Variants in PREX2 observed in about 807,000 individuals in gnomAD.
The protein encoded by PREX2 is phosphatidylinositol-3,4,5-trisphosphate dependent Rac exchange factor 2.
A neutral mutation model predicts 203.2 loss-of-function variants in PREX2; 107 were observed. That is an observed-to-expected ratio of 0.53 (90% CI 0.45 to 0.62). PREX2 has a LOEUF of 0.62. Ranked by LOEUF, PREX2 falls within the 20% of genes least tolerant of loss-of-function variation. The pLI is 0.00. For synonymous variants in PREX2, 672 were observed against 663.6 expected (o/e 1.01, Z -0.19); for missense variants, 1,777 against 1,955.9 (o/e 0.91, Z 1.72).
At chr8:68,087,910 A>G (rs1224759349) in intron 19 of PREX2, 101 bp downstream of exon 19, 7 of 812,668 alleles carry the variant, frequency 8.6e-6, no homozygotes. Flanking sequence ...TGCTGTGATG[A>G]TTCTCAATTA....
In PREX2 at chr8:68,060,780, G is replaced by C; in HGVS notation, c.1339+1G>C. 6.3e-7 allele frequency: 1 copy of C among 1,575,494 alleles called. No homozygotes were observed. The highest frequency in any genetic ancestry group is 8.7e-7 in the Non-Finnish European group (1 of 1,149,616). On this transcript the variant is annotated splice_donor_variant, in intron 11 of 39. Coordinates refer to ENST00000288368, the MANE Select transcript of PREX2 (RefSeq NM_024870.4). LOFTEE classifies it high-confidence loss of function. ...TTAGAAAATGGAATCATTCACCATG[G>C]TAATTACTTTATTATTAATTACTTA...
At chr8:68,107,353 G>A (rs1287007848) in intron 23 of PREX2, among the ~76,000 whole-genome samples, 1 of 152,130 alleles carries the variant, frequency 6.6e-6, no homozygotes, top group Admixed American at 6.5e-5. Flanking sequence ...GCTTGAGATA[G>A]AGAAGTTAGG....
At chr8:68,212,391 G>A (rs899340779) in intron 37 of PREX2, among the ~76,000 whole-genome samples, 1 of 152,086 alleles carries the variant, frequency 6.6e-6, no homozygotes, top group African/African-American at 2.4e-5. Context: ...AAAAGAGATG[G>A]GACTTGGCTT....
At chr8:68,013,471 C>T (rs1807324014) in intron 1 of PREX2, among the ~76,000 whole-genome samples, 1 of 152,164 alleles carries the variant, frequency 6.6e-6, no homozygotes, top group South Asian at 2.1e-4. Flanking sequence ...AGAACAAACT[C>T]TGATTCTCCC....
At chr8:68,006,643 T>A (rs1229574302) in intron 1 of PREX2, among the ~76,000 whole-genome samples, 2 of 152,170 alleles carry the variant, frequency 1.3e-5, no homozygotes, top group African/African-American at 4.8e-5. Flanking sequence ...TAGTTCAGAT[T>A]TCAATTTACC....
chr8:68,173,628 A>G (rs1811922516), intron 35 of PREX2, among the ~76,000 whole-genome samples: 1 of 152,162 alleles, frequency 6.6e-6, no homozygotes, highest in Non-Finnish European at 1.5e-5. Context: ...TTTTAATGCA[A>G]TTTTTAGGTA....
chr8:67,959,637 T>C (rs561394231), intron 1 of PREX2, among the ~76,000 whole-genome samples: 71 of 152,328 alleles, frequency 4.7e-4, no homozygotes, highest in African/African-American at 1.6e-3. Flanking sequence ...TGAGCCATCT[T>C]GCTGTGTAAC....
At chr8:68,027,953 G>A (rs1339654312) in intron 5 of PREX2, among the ~76,000 whole-genome samples, 1 of 152,020 alleles carries the variant, frequency 6.6e-6, no homozygotes, top group East Asian at 1.9e-4. Context: ...TGCCCTTACT[G>A]CAAGGGACCT....
chr8:68,009,603 G>A (rs1478538148), intron 1 of PREX2, among the ~76,000 whole-genome samples: 1 of 152,128 alleles, frequency 6.6e-6, no homozygotes, highest in Non-Finnish European at 1.5e-5. Context: ...CTGACACCAT[G>A]AAACATACTT....
At chr8:68,195,808 C>G (rs115058595) in intron 37 of PREX2, among the ~76,000 whole-genome samples, 185 of 152,266 alleles carry the variant, frequency 1.2e-3, no homozygotes, top group African/African-American at 4.3e-3. Flanking sequence ...TAGTCAATTT[C>G]CTGCCTTTTC....
chr8:68,126,897 T>C (rs1487073296), intron 30 of PREX2, among the ~76,000 whole-genome samples: 1 of 151,240 alleles, frequency 6.6e-6, no homozygotes, highest in Non-Finnish European at 1.5e-5. Context: ...AATATATATA[T>C]ACATATATAC....
At position 68,163,262 on chromosome 8, in the gene PREX2, TTGTATTCAAAC is replaced by T. The variant is rs372408495; in HGVS notation, c.4346+5830_4346+5840del. The stretch of plus-strand genomic sequence containing the variant: ...AAAACTCTCTAGTTTAAAAGGACAG[TTGTATTCAAAC>T]TGTGTCTTTGTAAATGGAAAAGGTT... On this transcript the variant is annotated intron_variant, in intron 35 of 39. Coordinates refer to ENST00000288368, the MANE Select transcript of PREX2 (RefSeq NM_024870.4). Among the ~76,000 whole-genome samples, 4 of 152,302 alleles carry T rather than the reference TTGTATTCAAAC, an allele frequency of 2.6e-5. No homozygotes were observed. The East Asian group carries it at 7.7e-4, about 29-fold the overall frequency.
intron 1 of PREX2, among the ~76,000 whole-genome samples, chr8:68,014,863 G>A (rs1051899125): frequency 6.6e-6 from 1 of 152,056 alleles, no homozygotes; most frequent in Non-Finnish European, 1.5e-5. Context: ...TAGATTTCTG[G>A]GTCCTAAATT....
At chr8:68,074,598 GA>G (rs1809292572) in intron 14 of PREX2, among the ~76,000 whole-genome samples, 1 of 152,152 alleles carries the variant, frequency 6.6e-6, no homozygotes, top group African/African-American at 2.4e-5. Context: ...GGCTGCCTTG[GA>G]AAAGGCAGAA....
At chr8:68,137,777 C>A (rs958987607) in intron 32 of PREX2, among the ~76,000 whole-genome samples, 1 of 152,130 alleles carries the variant, frequency 6.6e-6, no homozygotes, top group Admixed American at 6.6e-5. Flanking sequence ...CTTGCCTTAG[C>A]TATAAAACTA....
chr8:68,130,189 C>T (rs972909734), intron 31 of PREX2, among the ~76,000 whole-genome samples: 4 of 151,540 alleles, frequency 2.6e-5, no homozygotes, highest in African/African-American at 9.7e-5. Context: ...ATTTGGGAGG[C>T]CAAGGTAGGA....
At chr8:68,084,048 G>T (rs1296131128) in intron 18 of PREX2, among the ~76,000 whole-genome samples, 1 of 151,992 alleles carries the variant, frequency 6.6e-6, no homozygotes, top group Non-Finnish European at 1.5e-5. Flanking sequence ...ACACAATCAG[G>T]TACCCACAAA....
At chr8:68,192,285 G>C in intron 36 of PREX2, 50 bp from the exon 37 acceptor site, 1 of 1,446,480 alleles carries the variant, frequency 6.9e-7, no homozygotes, top group Non-Finnish European at 9.4e-7. Flanking sequence ...CTATCTAAAA[G>C]AATTTTACTA....
Position 68,127,437 on chromosome 8 carries a change from ATT to A in PREX2, c.3766+26_3766+27del. 2.5e-6 allele frequency: 4 copies of A among 1,568,786 alleles called. No individual in the cohort carries two copies. The highest frequency in any genetic ancestry group is 1.4e-5 in the African/African-American group (1 of 73,534). The stretch of plus-strand genomic sequence containing the variant: ...ATATTCAGGTAACATTTTGCATTTT[ATT>A]TTTTTTTACTATTTAAGTGATTGTG... On this transcript the variant is annotated intron_variant, in intron 31 of 39. Coordinates refer to ENST00000288368, the MANE Select transcript of PREX2 (RefSeq NM_024870.4).
Sources: allele counts gnomAD v4.1 joint callset (sites outside exome capture counted in the v4.1 genomes callset), GRCh38; gene constraint gnomAD v4.1.1; transcripts MANE v1.5; gene names NCBI Gene and HGNC (gene_info 2026-07-23, HGNC 2026-07-21).